The following WWOX variants were observed in gnomAD, a reference collection of about 807,000 sequenced individuals.
WWOX encodes the protein WW domain containing oxidoreductase.
WWOX carries 69 observed loss-of-function variants against 46.2 expected under a neutral mutation model. The ratio of observed to expected loss-of-function variants is 1.49; its 90% confidence interval spans 1.23 to 1.82. The LOEUF (loss-of-function observed/expected upper bound fraction) is 1.82. Ranked by LOEUF, WWOX falls within the 40% of genes most tolerant of loss-of-function variation. WWOX has a pLI of 0.00. For synonymous variants in WWOX, 359 were observed against 202.6 expected (o/e 1.77, Z -6.56); for missense variants, 919 against 542.6 (o/e 1.69, Z -6.89).
At chr16:78,709,360 G>C (rs1257394190) in intron 8 of WWOX, among the ~76,000 whole-genome samples, 1 of 152,224 alleles carries the variant, frequency 6.6e-6, no homozygotes, top group Non-Finnish European at 1.5e-5. Context: ...TCTGGCTGAA[G>C]GAAAGCCCGC....
At chr16:78,787,456 A>C (rs146701328) in intron 8 of WWOX, among the ~76,000 whole-genome samples, 11 of 152,250 alleles carry the variant, frequency 7.2e-5, no homozygotes, top group Middle Eastern at 3.4e-3. Flanking sequence ...TGCTTTTAGC[A>C]TGCTTTCAAG....
At chr16:78,823,388 G>C (rs1275892214) in intron 8 of WWOX, among the ~76,000 whole-genome samples, 2 of 152,138 alleles carry the variant, frequency 1.3e-5, no homozygotes, top group East Asian at 1.9e-4. Flanking sequence ...CATCATTCCA[G>C]GTTCAATAAG....
At chr16:78,401,686 A>C (rs922689283) in intron 6 of WWOX, among the ~76,000 whole-genome samples, 1 of 152,010 alleles carries the variant, frequency 6.6e-6, no homozygotes, top group African/African-American at 2.4e-5. Flanking sequence ...GACATAATTT[A>C]CATACAATAC....
intron 8 of WWOX, among the ~76,000 whole-genome samples, chr16:78,624,133 C>G (rs1416082508): frequency 6.6e-6 from 1 of 152,082 alleles, no homozygotes; most frequent in African/African-American, 2.4e-5. Flanking sequence ...CACAACAACT[C>G]AAGGGCAAAA....
At chr16:78,521,225 T>A (rs1186118093) in intron 8 of WWOX, among the ~76,000 whole-genome samples, 1 of 152,174 alleles carries the variant, frequency 6.6e-6, no homozygotes, top group Non-Finnish European at 1.5e-5. Context: ...TTGTAGTAAT[T>A]TATTTAAAGT....
At chr16:79,211,024 TATGGTGAGGA>T (rs1166261936) in intron 8 of WWOX, among the ~76,000 whole-genome samples, 10 of 129,018 alleles carry the variant, frequency 7.8e-5, no homozygotes, top group Non-Finnish European at 1.3e-4. Flanking sequence ...AGTATGAATG[TATGGTGAGGA>T]GTGTGTGTGT....
chr16:78,782,193 T>G (rs1436865211), intron 8 of WWOX, among the ~76,000 whole-genome samples: 1 of 152,162 alleles, frequency 6.6e-6, no homozygotes, highest in African/African-American at 2.4e-5. Flanking sequence ...TCCTTCCTCT[T>G]CAGGCCACCT....
At chr16:78,994,496 C>T (rs2046949242) in intron 8 of WWOX, 1 of 152,204 alleles carries the variant, frequency 6.6e-6, no homozygotes, top group Admixed American at 6.5e-5. Flanking sequence ...CACCGAGGTA[C>T]TTATCTGACA....
intron 5 of WWOX, among the ~76,000 whole-genome samples, chr16:78,293,789 A>T (rs1259053159): frequency 6.6e-6 from 1 of 152,008 alleles, no homozygotes; most frequent in Non-Finnish European, 1.5e-5. Flanking sequence ...CAGACTGGCC[A>T]ACATGGTGAA....
intron 8 of WWOX, among the ~76,000 whole-genome samples, chr16:79,030,390 C>A (rs1325018601): frequency 6.6e-6 from 1 of 152,198 alleles, no homozygotes; most frequent in African/African-American, 2.4e-5. Context: ...GACTACCCAG[C>A]ACTTCAGATA....
intron 5 of WWOX, among the ~76,000 whole-genome samples, chr16:78,233,671 C>G (rs62034045): frequency 0.094 from 14,239 of 151,790 alleles, 788 homozygotes; most frequent in Admixed American, 0.16. Context: ...GGACTACAGG[C>G]GCCTGCCACT....
At chr16:78,196,722 A>T (rs1289752923) in intron 5 of WWOX, among the ~76,000 whole-genome samples, 3 of 152,176 alleles carry the variant, frequency 2.0e-5, no homozygotes, top group African/African-American at 7.2e-5. Flanking sequence ...GTACAGGCAG[A>T]GTGCTGTAAT....
intron 8 of WWOX, among the ~76,000 whole-genome samples, chr16:78,640,778 A>C (rs1052574170): frequency 5.9e-5 from 9 of 151,992 alleles, no homozygotes; most frequent in African/African-American, 2.2e-4. Context: ...GACTCTACTA[A>C]AATACAAAAA....
chr16:78,371,881 A>G (rs372897431), intron 5 of WWOX, among the ~76,000 whole-genome samples: 31 of 152,192 alleles, frequency 2.0e-4, no homozygotes, highest in African/African-American at 5.5e-4. Flanking sequence ...CTGCTAGGAC[A>G]AAATATTTTC....
At chr16:78,171,206 C>A (rs2035148004) in intron 5 of WWOX, among the ~76,000 whole-genome samples, 1 of 152,074 alleles carries the variant, frequency 6.6e-6, no homozygotes, top group South Asian at 2.1e-4. Context: ...GTTTTCCCTG[C>A]CGGGAAACTG....
Position 78,481,724 on chromosome 16 carries a change from AGTGTGTGTGTGTGT to A in WWOX, c.1056+49000_1056+49013del, listed in dbSNP as rs67780639. 6.5e-4 allele frequency among the ~76,000 whole-genome samples: 89 copies of A among 137,048 alleles called. 1 individual carries two copies. The highest frequency in any genetic ancestry group is 2.0e-3 in the African/African-American group (75 of 37,202). 89.9% of individuals were successfully genotyped at this position (137,048 alleles called of 152,430 possible). Reference sequence around the variant, plus strand: ...TATGACTTTTGCTCAGGGCAAGGGAAGTGTGTGTGTGTGTGTGTGTGTGTGTGTGTGTGTGTGTG... The same window carrying A: ...TATGACTTTTGCTCAGGGCAAGGGAAGTGTGTGTGTGTGTGTGTGTGTGTG... On this transcript the variant is annotated intron_variant, in intron 8 of 8. Coordinates refer to ENST00000566780, the MANE Select transcript of WWOX (RefSeq NM_016373.4).
chr16:79,034,312 A>G (rs1462602419), intron 8 of WWOX, among the ~76,000 whole-genome samples: 1 of 152,208 alleles, frequency 6.6e-6, no homozygotes, highest in Admixed American at 6.5e-5. Flanking sequence ...AATGTCAATA[A>G]CTTTCCTGAC....
intron 5 of WWOX, among the ~76,000 whole-genome samples, chr16:78,212,918 G>A (rs141569057): frequency 5.9e-5 from 9 of 152,202 alleles, no homozygotes; most frequent in African/African-American, 9.6e-5. Flanking sequence ...TTTCCCATTC[G>A]TGATATCTGA....
chr16:78,654,100 A>G (rs747239585), intron 8 of WWOX, among the ~76,000 whole-genome samples: 1 of 152,216 alleles, frequency 6.6e-6, no homozygotes, highest in Non-Finnish European at 1.5e-5. Context: ...AAATCCAGGT[A>G]GAGAGAAACT....
Sources: allele counts gnomAD v4.1 joint callset (sites outside exome capture counted in the v4.1 genomes callset), GRCh38; gene constraint gnomAD v4.1.1; transcripts MANE v1.5; gene names NCBI Gene and HGNC (gene_info 2026-07-23, HGNC 2026-07-21).